The following TRPS1 variants were observed in gnomAD, a reference collection of about 807,000 sequenced individuals.
TRPS1 encodes zinc finger transcription factor Trps1.
TRPS1 carries 6 observed loss-of-function variants against 101.2 expected under a neutral mutation model. That is an observed-to-expected ratio of 0.06 (90% CI 0.03 to 0.12). The LOEUF is 0.12. Among genes scored for constraint, TRPS1 ranks in the 10% least tolerant of loss-of-function variants. The pLI is 1.00. For missense variants in TRPS1, 1,363 were observed against 1,567.0 expected (o/e 0.87, Z 2.20); for synonymous variants, 578 against 589.8 (o/e 0.98, Z 0.29).
chr8:115,579,543 C>T (rs1817395353), intron 5 of TRPS1, among the ~76,000 whole-genome samples: 1 of 152,050 alleles, frequency 6.6e-6, no homozygotes, highest in Admixed American at 6.6e-5. Flanking sequence ...ATCATTTTAA[C>T]CAGAAATCTA....
At chr8:115,426,715 T>C (rs1476252980) in intron 5 of TRPS1, among the ~76,000 whole-genome samples, 1 of 152,186 alleles carries the variant, frequency 6.6e-6, no homozygotes, top group East Asian at 1.9e-4. Flanking sequence ...TATTTACAAA[T>C]AACTTTAACA....
At chr8:115,535,236 C>CATATATCGCAT (rs1554583784) in intron 5 of TRPS1, among the ~76,000 whole-genome samples, 1 of 118,544 alleles carries the variant, frequency 8.4e-6, no homozygotes, top group Non-Finnish European at 1.7e-5. Flanking sequence ...ATATATATAG[C>CATATATCGCAT]ATATATAGCA....
chr8:115,655,359 C>T (rs1029911136), intron 1 of TRPS1, among the ~76,000 whole-genome samples: 3 of 152,102 alleles, frequency 2.0e-5, no homozygotes, highest in African/African-American at 4.8e-5. Flanking sequence ...AGCCTAAACC[C>T]GTATTTTCTC....
intron 3 of TRPS1, among the ~76,000 whole-genome samples, chr8:115,608,918 T>A (rs758486781): frequency 1.6e-4 from 24 of 152,114 alleles, no homozygotes; most frequent in Non-Finnish European, 2.9e-4. Flanking sequence ...CGATCTCCGC[T>A]CACTGTCACC....
chr8:115,506,744 T>C (rs1381163524), intron 5 of TRPS1, among the ~76,000 whole-genome samples: 8 of 152,118 alleles, frequency 5.3e-5, no homozygotes, highest in Non-Finnish European at 1.0e-4. Context: ...CAGGTAGTTT[T>C]ATTTGTGCCT....
chr8:115,441,590 A>C (rs1309656702), intron 5 of TRPS1, among the ~76,000 whole-genome samples: 1 of 152,194 alleles, frequency 6.6e-6, no homozygotes, highest in Non-Finnish European at 1.5e-5. Context: ...GCATTCTGTA[A>C]GATGCTGTTT....
chr8:115,543,507 G>C (rs567458152), intron 5 of TRPS1, among the ~76,000 whole-genome samples: 1 of 151,894 alleles, frequency 6.6e-6, no homozygotes, highest in South Asian at 2.1e-4. Context: ...TAGGCCTTTG[G>C]TTCTAAGATA....
intron 5 of TRPS1, among the ~76,000 whole-genome samples, chr8:115,462,113 A>G (rs1814195482): frequency 6.6e-6 from 1 of 152,176 alleles, no homozygotes; most frequent in Non-Finnish European, 1.5e-5. Context: ...GAAATTCATA[A>G]TGAAGGTATT....
intron 5 of TRPS1, among the ~76,000 whole-genome samples, chr8:115,534,456 C>A (rs898654076): frequency 6.6e-6 from 1 of 152,108 alleles, no homozygotes; most frequent in African/African-American, 2.4e-5. Flanking sequence ...GAAGCTCTAA[C>A]CCCGATACCA....
chr8:115,457,762 C>T (rs1814065613), intron 5 of TRPS1, among the ~76,000 whole-genome samples: 1 of 152,146 alleles, frequency 6.6e-6, no homozygotes, highest in Admixed American at 6.5e-5. Flanking sequence ...GAAATGGTGA[C>T]AAGATGAATT....
intron 5 of TRPS1, among the ~76,000 whole-genome samples, chr8:115,556,104 C>A (rs1816814164): frequency 6.6e-6 from 1 of 152,180 alleles, no homozygotes; most frequent in Non-Finnish European, 1.5e-5. Flanking sequence ...AACTACTCTA[C>A]ATGTGGATCT....
intron 5 of TRPS1, among the ~76,000 whole-genome samples, chr8:115,441,469 A>T (rs544262389): frequency 6.6e-6 from 1 of 152,208 alleles, no homozygotes; most frequent in Non-Finnish European, 1.5e-5. Context: ...ATTTAAATTT[A>T]ATCTAGAGAA....
intron 5 of TRPS1, among the ~76,000 whole-genome samples, chr8:115,504,907 T>C (rs1487501503): frequency 6.6e-6 from 1 of 152,170 alleles, no homozygotes; most frequent in Non-Finnish European, 1.5e-5. Context: ...CATCACAGGA[T>C]AACATTTTAT....
chr8:115,588,093 A>C (rs1353962956), intron 4 of TRPS1, among the ~76,000 whole-genome samples: 4 of 152,340 alleles, frequency 2.6e-5, no homozygotes, highest in Middle Eastern at 3.4e-3. Flanking sequence ...AACTAAATTG[A>C]GGATTTTTCC....
At chr8:115,540,839 T>C (rs867222889) in intron 5 of TRPS1, among the ~76,000 whole-genome samples, 13 of 151,974 alleles carry the variant, frequency 8.6e-5, no homozygotes, top group Middle Eastern at 3.4e-3. Flanking sequence ...ATATATCTAA[T>C]ATATACCCAT....
At chr8:115,432,114 C>A (rs1813334708) in intron 5 of TRPS1, among the ~76,000 whole-genome samples, 1 of 151,606 alleles carries the variant, frequency 6.6e-6, no homozygotes, top group South Asian at 2.1e-4. Context: ...AAATGGAAGT[C>A]ATACTTCTCT....
At chr8:115,599,673 C>T (rs921873740) in intron 4 of TRPS1, among the ~76,000 whole-genome samples, 12 of 152,058 alleles carry the variant, frequency 7.9e-5, no homozygotes, top group African/African-American at 2.7e-4. Context: ...GACACCAACT[C>T]GTTTTTTTAT....
At chr8:115,478,236 T>G (rs1420097159) in intron 5 of TRPS1, among the ~76,000 whole-genome samples, 2 of 152,222 alleles carry the variant, frequency 1.3e-5, no homozygotes, top group East Asian at 3.8e-4. Flanking sequence ...TCATTCAAAT[T>G]TATATTCCTT....
intron 3 of TRPS1, among the ~76,000 whole-genome samples, chr8:115,609,467 C>T (rs773898292): frequency 6.6e-6 from 1 of 152,184 alleles, no homozygotes; most frequent in African/African-American, 2.4e-5. Flanking sequence ...GAGTTCAATG[C>T]ATTTTGACTG....
Sources: gnomAD v4.1 joint callset for allele counts (sites outside exome capture counted in the v4.1 genomes callset) on GRCh38, gnomAD v4.1.1 for gene constraint, MANE v1.5 for transcripts, NCBI Gene and HGNC (gene_info 2026-07-23, HGNC 2026-07-21) for gene names.